Variants in ALMS1 observed in about 807,000 individuals in gnomAD.
ALMS1 encodes the protein centrosome-associated protein ALMS1.
A neutral mutation model predicts 352.2 loss-of-function variants in ALMS1; 271 were observed. That is an observed-to-expected ratio of 0.77 (90% CI 0.70 to 0.85). The LOEUF is 0.85. Ranked by LOEUF, ALMS1 falls within the 40% of genes least tolerant of loss-of-function variation. ALMS1 has a pLI of 0.00. For synonymous variants in ALMS1, 1,865 were observed against 1,761.2 expected (o/e 1.06, Z -1.48); for missense variants, 5,445 against 4,870.7 (o/e 1.12, Z -3.51).
intron 10 of ALMS1, among the ~76,000 whole-genome samples, chr2:73,513,921 C>T (rs1198455916): frequency 6.6e-6 from 1 of 152,172 alleles, no homozygotes; most frequent in Non-Finnish European, 1.5e-5. Flanking sequence ...GTTGTCACTC[C>T]ATTTGCTACA....
At chr2:73,478,080 G>A (rs1376935452) in intron 9 of ALMS1, among the ~76,000 whole-genome samples, 1 of 152,104 alleles carries the variant, frequency 6.6e-6, no homozygotes, top group Non-Finnish European at 1.5e-5. Context: ...TCATTATTCG[G>A]TATTATGTTA....
At chr2:73,592,139 A>G (rs1399597814) in intron 16 of ALMS1, among the ~76,000 whole-genome samples, 1 of 152,214 alleles carries the variant, frequency 6.6e-6, no homozygotes, top group Non-Finnish European at 1.5e-5. Flanking sequence ...ACTTCTTCAC[A>G]TACCAAAATA....
chr2:73,411,494 G>T (rs1027169057), intron 2 of ALMS1, among the ~76,000 whole-genome samples: 2 of 152,126 alleles, frequency 1.3e-5, no homozygotes, highest in African/African-American at 4.8e-5. Context: ...TATTCTCTGA[G>T]GGCATATTTT....
rs765553310 is a variant in ALMS1, at chr2:73,419,243, G to C, written c.571G>C (p.Glu191Gln). Residue 191 changes from glutamate to glutamine, a missense_variant, in exon 3 of 23, where the codon GAG becomes CAG. By Grantham distance (29) the Glu-to-Gln change is conservative. Transcript: ENST00000613296. ...DTEVTDFPSL[E>Q]EGILTQSENQ... ...TGAAGTGACAGACTTCCCCTCTCTG[G>C]AGGAGGGCATATTGACGCAATCAGA... 2 of 1,613,922 alleles carry C rather than the reference G, an allele frequency of 1.2e-6. No individual in the cohort carries two copies. The highest frequency in any genetic ancestry group is 4.5e-5 in the East Asian group (2 of 44,868).
At chr2:73,565,551 A>G (rs893140042) in intron 15 of ALMS1, among the ~76,000 whole-genome samples, 2 of 152,170 alleles carry the variant, frequency 1.3e-5, no homozygotes, top group African/African-American at 4.8e-5. Context: ...CTCTTAACTA[A>G]TGGGTTGCAC....
Position 73,385,940 on chromosome 2 carries a change from GGAA to G in ALMS1, c.75_77del (p.Glu28del), listed in dbSNP as rs1553396161. On this transcript the variant is annotated inframe_deletion, in exon 1 of 23. Coordinates refer to ENST00000613296, the MANE Select transcript of ALMS1 (RefSeq NM_001378454.1). ...AGGAGGAGGAGGAGGAGGAGGAGGA[GGAA>G]GAGGAGGAGGCTGCAGCGGCGGCGG... 5.1e-6 allele frequency: 6 copies of G among 1,180,784 alleles called. No homozygotes were observed. The highest frequency in any genetic ancestry group is 2.0e-5 in the Admixed American group (1 of 48,888). The allele number at this position is 1,180,784 out of a possible 1,614,324, so 73.1% of individuals were successfully genotyped here.
chr2:73,448,820 T>G lies in ALMS1; in HGVS notation c.2293T>G (p.Ser765Ala). The change falls in exon 8 of 23, where the codon TCA (serine) becomes GCA (alanine). Residue 765 changes from serine to alanine, a missense_variant. Transcript: ENST00000613296. ...ACCAGCAGTACAGTCTAGTTCTTAC[T>G]CACAAAGAGAAAAGCCTAGTATTTT... ...EIPAVQSSSY[S>A]QREKPSILYP... 1.2e-6 allele frequency: 2 copies of G among 1,613,862 alleles called. No individual in the cohort carries two copies. Among genetic ancestry groups the G allele is most frequent in the African/African-American group, 1.3e-5 (1 of 74,918 alleles).
intron 9 of ALMS1, among the ~76,000 whole-genome samples, chr2:73,485,779 C>T (rs947571686): frequency 1.3e-5 from 2 of 152,118 alleles, no homozygotes; most frequent in East Asian, 1.9e-4. Context: ...TCTCGTGGTG[C>T]GCCGTTTTTT....
In ALMS1 at chr2:73,453,257, G is replaced by A; in HGVS notation, c.6730G>A (p.Val2244Ile). ...ACCAGAATCTGCAGGTTTTAGAGAT[G>A]TTGGCTCTGAAGAAATCCAGGATGC... is the stretch of plus-strand genomic sequence containing the variant. ...NKPESAGFRDVGSEEIQDAEN... is the reference protein window; with the variant it reads ...NKPESAGFRDIGSEEIQDAEN... Residue 2244 changes from valine to isoleucine, a missense_variant, in exon 8 of 23, where the codon GTT becomes ATT. Val to Ile is a conservative substitution (Grantham distance 29). Coordinates refer to ENST00000613296, the MANE Select transcript of ALMS1 (RefSeq NM_001378454.1). 6.2e-7 allele frequency: 1 copy of A among 1,613,998 alleles called. No homozygotes were observed. The highest frequency in any genetic ancestry group is 8.5e-7 in the Non-Finnish European group (1 of 1,179,986).
chr2:73,412,091 G>C (rs757921100), intron 2 of ALMS1, among the ~76,000 whole-genome samples: 1 of 152,134 alleles, frequency 6.6e-6, no homozygotes, highest in Non-Finnish European at 1.5e-5. Context: ...GTAGGTATAG[G>C]TTAAACATAT....
intron 13 of ALMS1, 64 bp downstream of exon 13, chr2:73,550,501 C>A: frequency 6.4e-7 from 1 of 1,572,296 alleles, no homozygotes; most frequent in Non-Finnish European, 8.7e-7. Flanking sequence ...AATGAGATTA[C>A]TATCCAATCT....
chr2:73,389,269 G>T lies in ALMS1; in HGVS notation c.324+3077G>T, dbSNP rs180883220. Among the ~76,000 whole-genome samples, 861 of 152,032 alleles carry T rather than the reference G, an allele frequency of 5.7e-3. 13 individuals are homozygous for T. The highest frequency in any genetic ancestry group is 5.3e-3 in the Non-Finnish European group (360 of 67,956). On this transcript the variant is annotated intron_variant, in intron 1 of 22. Coordinates refer to ENST00000613296, the MANE Select transcript of ALMS1 (RefSeq NM_001378454.1). ...GAAGTGTCTGTTCAGTCTTTTGCCC[G>T]CTTTTTAGTGGGGTTATTTGTTTTT...
chr2:73,419,379 G>A lies in ALMS1; in HGVS notation c.646+61G>A, dbSNP rs1475607857. On this transcript the variant is annotated intron_variant, in intron 3 of 22. Transcript: ENST00000613296. ...CACATTTGTAAGTTTTGCGGGGACTGCAAGTCTTGTAACTTTCCCCTTTTT... is the reference window on the plus strand; with the variant it reads ...CACATTTGTAAGTTTTGCGGGGACTACAAGTCTTGTAACTTTCCCCTTTTT... 5 of 1,517,576 alleles carry A rather than the reference G, an allele frequency of 3.3e-6. No homozygotes were observed. The East Asian group carries it at 1.1e-4, about 34-fold the overall frequency. The allele number at this position is 1,517,576 out of a possible 1,614,324, so 94.0% of individuals were successfully genotyped here.
intron 6 of ALMS1, among the ~76,000 whole-genome samples, chr2:73,429,972 T>TTTTCTCCTGGTTC (rs1671467544): frequency 6.6e-6 from 1 of 152,162 alleles, no homozygotes; most frequent in South Asian, 2.1e-4. Flanking sequence ...TTGATTTCTG[T>TTTTCTCCTGGTTC]TTTCTCCTGG....
chr2:73,407,371 CA>C (rs1224243888), intron 1 of ALMS1, among the ~76,000 whole-genome samples: 15 of 152,198 alleles, frequency 9.9e-5, no homozygotes, highest in Admixed American at 9.8e-4. Context: ...AGTACTGCCA[CA>C]TTGCGGATTA....
chr2:73,485,411 T>G (rs943203718), intron 9 of ALMS1, among the ~76,000 whole-genome samples: 4 of 152,236 alleles, frequency 2.6e-5, no homozygotes, highest in African/African-American at 9.6e-5. Flanking sequence ...AGGGACCCAC[T>G]TGAGGAGGCA....
Position 73,573,237 on chromosome 2 carries a change from C to G in ALMS1, c.11360C>G (p.Thr3787Ser). 6.2e-7 allele frequency: 1 copy of G among 1,613,646 alleles called. No individual in the cohort carries two copies. Among genetic ancestry groups the G allele is most frequent in the Non-Finnish European group, 8.5e-7 (1 of 1,179,634 alleles). Reference sequence around the variant, plus strand: ...AGTAGCTCTGTTTCCACTATTGACACTGCCCGGCTGATTCAAGCTTTTGGC... The same window carrying G: ...AGTAGCTCTGTTTCCACTATTGACAGTGCCCGGCTGATTCAAGCTTTTGGC... ...ERSSSVSTIDTARLIQAFGHE... is the reference protein window; with the variant it reads ...ERSSSVSTIDSARLIQAFGHE... Residue 3787 changes from threonine to serine, a missense_variant, in exon 16 of 23, where the codon ACT (threonine) becomes AGT (serine). Transcript: ENST00000613296.
At chr2:73,563,198 A>G (rs1674702555) in intron 15 of ALMS1, among the ~76,000 whole-genome samples, 1 of 152,098 alleles carries the variant, frequency 6.6e-6, no homozygotes, top group Non-Finnish European at 1.5e-5. Flanking sequence ...GTGGAAAGCA[A>G]AAAGAAAACT....
intron 6 of ALMS1, among the ~76,000 whole-genome samples, chr2:73,429,279 T>C (rs1020088040): frequency 2.6e-4 from 14 of 54,412 alleles, no homozygotes; most frequent in Admixed American, 2.1e-3. Context: ...ATTAATATGC[T>C]TTTTTTTTTT....
Sources: allele counts gnomAD v4.1 joint callset (sites outside exome capture counted in the v4.1 genomes callset), GRCh38; gene constraint gnomAD v4.1.1; transcripts MANE v1.5; gene names NCBI Gene and HGNC (gene_info 2026-07-23, HGNC 2026-07-21).